ACVR2A: variants seen among roughly 807,000 people sequenced by gnomAD.
The protein encoded by ACVR2A is activin A receptor type 2A, also known as activin receptor type-2A.
In ACVR2A, 7 loss-of-function variants were observed where a neutral mutation model predicts 61.4. The observed-to-expected ratio is 0.11, with a 90% CI of 0.06 to 0.21. The LOEUF is 0.21. ACVR2A is among the 10% of genes least tolerant of loss of function. The probability of loss-of-function intolerance (pLI) is 1.00; values close to 1 mark genes in which losing one functional copy is unlikely to be tolerated. For missense variants in ACVR2A, 322 were observed against 621.7 expected (o/e 0.52, Z 5.13); for synonymous variants, 193 against 208.3 (o/e 0.93, Z 0.63).
chr2:147,889,401 A>G (rs1277240445), intron 1 of ACVR2A, among the ~76,000 whole-genome samples: 1 of 151,980 alleles, frequency 6.6e-6, no homozygotes, highest in African/African-American at 2.4e-5. Flanking sequence ...AAAAAACAAA[A>G]CTTGAATTGT....
At chr2:147,858,699 G>C (rs1172841492) in intron 1 of ACVR2A, among the ~76,000 whole-genome samples, 1 of 152,176 alleles carries the variant, frequency 6.6e-6, no homozygotes. Flanking sequence ...GGGGTCCGCA[G>C]ACATTTTTGT....
chr2:147,852,515 A>C (rs988105388), intron 1 of ACVR2A, among the ~76,000 whole-genome samples: 2 of 152,210 alleles, frequency 1.3e-5, no homozygotes, highest in South Asian at 4.1e-4. Flanking sequence ...GCACTGAAAA[A>C]TATGGTCATT....
chr2:147,910,295 T>C (rs1043705385), intron 4 of ACVR2A, among the ~76,000 whole-genome samples: 2 of 152,144 alleles, frequency 1.3e-5, no homozygotes, highest in African/African-American at 2.4e-5. Flanking sequence ...TAGTATAGTG[T>C]CATCTTTATA....
intron 1 of ACVR2A, among the ~76,000 whole-genome samples, chr2:147,872,540 G>T (rs1186780224): frequency 6.7e-6 from 1 of 150,026 alleles, no homozygotes; most frequent in Admixed American, 6.7e-5. Flanking sequence ...TTAACGAAGT[G>T]TTGGCTTGAT....
chr2:147,915,389 A>T, intron 5 of ACVR2A, 55 bp downstream of exon 5: 1 of 1,598,714 alleles, frequency 6.3e-7, no homozygotes, highest in South Asian at 1.1e-5. Flanking sequence ...CTAGGTCATC[A>T]TAACTCAGAA....
chr2:147,890,474 T>A (rs1376587036), intron 1 of ACVR2A, among the ~76,000 whole-genome samples: 1 of 151,902 alleles, frequency 6.6e-6, no homozygotes, highest in Non-Finnish European at 1.5e-5. Flanking sequence ...AGCTCCCCAT[T>A]CCCAGGACCT....
At chr2:147,912,871 C>T (rs1471303196) in intron 4 of ACVR2A, among the ~76,000 whole-genome samples, 3 of 151,754 alleles carry the variant, frequency 2.0e-5, no homozygotes, top group Admixed American at 2.0e-4. Flanking sequence ...GTCACCCTTT[C>T]GAAATTGACC....
intron 1 of ACVR2A, among the ~76,000 whole-genome samples, chr2:147,869,917 A>G (rs1553485161): frequency 6.6e-6 from 1 of 152,068 alleles, no homozygotes; most frequent in Non-Finnish European, 1.5e-5. Context: ...CAGTGAGAAC[A>G]GTATGTTTGC....
At chr2:147,846,107 C>T (rs1465807720) in intron 1 of ACVR2A, among the ~76,000 whole-genome samples, 1 of 152,004 alleles carries the variant, frequency 6.6e-6, no homozygotes, top group Non-Finnish European at 1.5e-5. Context: ...ACTATCTAGT[C>T]TTTTGTATTT....
chr2:147,873,454 C>G (rs2105160559), intron 1 of ACVR2A, among the ~76,000 whole-genome samples: 1 of 151,994 alleles, frequency 6.6e-6, no homozygotes, highest in South Asian at 2.1e-4. Flanking sequence ...CGGCACATCT[C>G]AATTCATATT....
intron 1 of ACVR2A, among the ~76,000 whole-genome samples, chr2:147,848,020 AAG>A (rs1288834826): frequency 6.6e-6 from 1 of 152,172 alleles, no homozygotes. Flanking sequence ...TATTTGATGA[AAG>A]AGGAAATGGA....
At chr2:147,919,862 T>G (rs1687338383) in intron 7 of ACVR2A, among the ~76,000 whole-genome samples, 1 of 152,138 alleles carries the variant, frequency 6.6e-6, no homozygotes, top group Non-Finnish European at 1.5e-5. Flanking sequence ...GTTTCTTCAT[T>G]TTGGTTTAAA....
At position 147,855,932 on chromosome 2, in the gene ACVR2A, T is replaced by G. The variant is rs1027912909; in HGVS notation, c.55+10725T>G. 5.9e-5 allele frequency among the ~76,000 whole-genome samples: 9 copies of G among 152,210 alleles called. No homozygotes were observed. In the East Asian group the frequency reaches 9.6e-4, roughly 16 times the overall value. ...ATTTTTTTCATAAGCTTACCACCTC[T>G]TTATTGTTTCAGATGTAATATACTA... On this transcript the variant is annotated intron_variant, in intron 1 of 10. Coordinates refer to ENST00000241416, the MANE Select transcript of ACVR2A (RefSeq NM_001616.5).
At chr2:147,885,900 AAG>A (rs561680024) in intron 1 of ACVR2A, among the ~76,000 whole-genome samples, 15 of 152,222 alleles carry the variant, frequency 9.9e-5, no homozygotes, top group Non-Finnish European at 1.3e-4. Context: ...AATTTAAAAA[AAG>A]AACTTTTTAT....
At chr2:147,889,326 G>A (rs948134363) in intron 1 of ACVR2A, among the ~76,000 whole-genome samples, 2 of 152,112 alleles carry the variant, frequency 1.3e-5, no homozygotes, top group African/African-American at 4.8e-5. Context: ...AAATGAGTTG[G>A]GAAGTCTCTT....
chr2:147,870,042 A>T (rs757057383), intron 1 of ACVR2A, among the ~76,000 whole-genome samples: 2 of 143,884 alleles, frequency 1.4e-5, no homozygotes, highest in Non-Finnish European at 1.5e-5. Context: ...ATGAAGGGGT[A>T]TAGGTGGGTG....
intron 1 of ACVR2A, among the ~76,000 whole-genome samples, chr2:147,863,911 G>A (rs1273784566): frequency 1.3e-5 from 2 of 152,180 alleles, no homozygotes; most frequent in Non-Finnish European, 2.9e-5. Context: ...AATGTTCAAA[G>A]TAAATGCATC....
chr2:147,912,974 G>T (rs1159345654), intron 4 of ACVR2A, among the ~76,000 whole-genome samples: 1 of 151,830 alleles, frequency 6.6e-6, no homozygotes, highest in Non-Finnish European at 1.5e-5. Context: ...ATAAATTATA[G>T]TAGGAGGGTG....
At chr2:147,868,265 T>C (rs1685921866) in intron 1 of ACVR2A, among the ~76,000 whole-genome samples, 1 of 152,092 alleles carries the variant, frequency 6.6e-6, no homozygotes, top group African/African-American at 2.4e-5. Context: ...CTGTACAGAG[T>C]GGCTAGCATA....
Sources: gnomAD v4.1 joint callset for allele counts (sites outside exome capture counted in the v4.1 genomes callset) on GRCh38, gnomAD v4.1.1 for gene constraint, MANE v1.5 for transcripts, NCBI Gene and HGNC (gene_info 2026-07-23, HGNC 2026-07-21) for gene names.